Variants in VEPH1 observed in about 807,000 individuals in gnomAD.
VEPH1 encodes ventricular zone-expressed PH domain-containing protein homolog 1.
Under a neutral mutation model 85.2 loss-of-function variants are expected in VEPH1, and 80 were observed. The observed-to-expected ratio is 0.94, with a 90% CI of 0.78 to 1.13. VEPH1 has a LOEUF of 1.13. Among genes scored for constraint, VEPH1 ranks in the 50% most tolerant of loss-of-function variants. The pLI is 0.00. For synonymous variants in VEPH1, 297 were observed against 348.0 expected, an observed-to-expected ratio of 0.85 and a Z score of 1.63; for missense variants, 955 against 980.5, an observed-to-expected ratio of 0.97 and a Z score of 0.35.
At chr3:157,482,373 C>T (rs998506845) in intron 2 of VEPH1, among the ~76,000 whole-genome samples, 21 of 152,064 alleles carry the variant, frequency 1.4e-4, no homozygotes, top group Non-Finnish European at 5.9e-5. Context: ...CACAGGCATG[C>T]ACCACCAGGC....
intron 9 of VEPH1, among the ~76,000 whole-genome samples, chr3:157,321,030 A>T (rs546566537): frequency 2.1e-4 from 32 of 152,150 alleles, no homozygotes; most frequent in South Asian, 2.1e-3. Flanking sequence ...ATATATATAT[A>T]TTTTTTGGTT....
intron 9 of VEPH1, among the ~76,000 whole-genome samples, chr3:157,329,845 C>G (rs1722318186): frequency 6.6e-6 from 1 of 152,200 alleles, no homozygotes; most frequent in South Asian, 2.1e-4. Flanking sequence ...TGAATTACCT[C>G]TGCCTCAACT....
chr3:157,407,774 G>A (rs1731252415), intron 6 of VEPH1, among the ~76,000 whole-genome samples: 1 of 152,172 alleles, frequency 6.6e-6, no homozygotes, highest in South Asian at 2.1e-4. Flanking sequence ...GGACAATGCT[G>A]AGTAAAGTAA....
At chr3:157,287,474 A>T (rs1014581037) in intron 11 of VEPH1, among the ~76,000 whole-genome samples, 2 of 152,048 alleles carry the variant, frequency 1.3e-5, no homozygotes, top group Non-Finnish European at 2.9e-5. Flanking sequence ...TGGCTCCAGG[A>T]CTGTTTAGTT....
intron 9 of VEPH1, among the ~76,000 whole-genome samples, chr3:157,342,345 T>C (rs1028666264): frequency 1.3e-5 from 2 of 151,318 alleles, no homozygotes; most frequent in African/African-American, 4.9e-5. Flanking sequence ...ACCAAGCAAA[T>C]GGAAAACAAA....
At chr3:157,430,841 G>A (rs753589056) in intron 4 of VEPH1, among the ~76,000 whole-genome samples, 14 of 152,102 alleles carry the variant, frequency 9.2e-5, no homozygotes, top group Non-Finnish European at 1.5e-4. Flanking sequence ...CAAAATTAGT[G>A]GCCTAAAATA....
intron 9 of VEPH1, among the ~76,000 whole-genome samples, chr3:157,333,534 C>G (rs949425509): frequency 1.3e-5 from 2 of 152,200 alleles, no homozygotes; most frequent in African/African-American, 4.8e-5. Flanking sequence ...CAAATACACA[C>G]ACATACCTCT....
intron 11 of VEPH1, among the ~76,000 whole-genome samples, chr3:157,308,888 T>C (rs1029459503): frequency 2.6e-5 from 4 of 152,150 alleles, no homozygotes; most frequent in African/African-American, 9.7e-5. Context: ...AGTGTTGTCA[T>C]TGGGATTAAG....
chr3:157,266,996 G>A lies in VEPH1; in HGVS notation c.2129-1334C>T, dbSNP rs375436516. On this transcript the variant is annotated intron_variant, in intron 12 of 13. Coordinates refer to ENST00000362010, the MANE Select transcript of VEPH1 (RefSeq NM_001167912.2). ...CTACCATTTCTTTTTTCTAATATAG[G>A]TCTAATAATTGCCTCACAGGATTGT... is the stretch of plus-strand genomic sequence containing the variant. 1.6e-4 allele frequency among the ~76,000 whole-genome samples: 25 copies of A among 151,782 alleles called. No homozygotes were observed. The East Asian group carries it at 1.9e-3, about 12-fold the overall frequency.
intron 7 of VEPH1, among the ~76,000 whole-genome samples, chr3:157,376,151 T>C (rs1371751287): frequency 1.3e-5 from 2 of 152,160 alleles, no homozygotes; most frequent in Non-Finnish European, 2.9e-5. Flanking sequence ...TTGTCATATT[T>C]ATCTCCCACT....
chr3:157,473,067 C>CTTTTTTTTTTTTTTTT (rs200991031), intron 2 of VEPH1, among the ~76,000 whole-genome samples: 1 of 82,674 alleles, frequency 1.2e-5, no homozygotes, highest in Admixed American at 1.6e-4. Context: ...TTAAATGAAC[C>CTTTTTTTTTTTTTTTT]TTTTTTTTTT....
At chr3:157,338,325 T>C (rs1019936256) in intron 9 of VEPH1, among the ~76,000 whole-genome samples, 4 of 152,206 alleles carry the variant, frequency 2.6e-5, no homozygotes, top group Non-Finnish European at 5.9e-5. Context: ...CTGGAGTCCA[T>C]GTTCCAAACC....
intron 7 of VEPH1, among the ~76,000 whole-genome samples, chr3:157,375,136 T>A (rs1426885635): frequency 6.6e-6 from 1 of 152,204 alleles, no homozygotes; most frequent in Non-Finnish European, 1.5e-5. Flanking sequence ...AAAGACTTTT[T>A]GTTGTGAGGA....
At chr3:157,460,636 T>C (rs983833100) in intron 3 of VEPH1, among the ~76,000 whole-genome samples, 3 of 152,174 alleles carry the variant, frequency 2.0e-5, no homozygotes, top group African/African-American at 7.2e-5. Context: ...CAATCCAGTC[T>C]TGGGGAATGT....
At chr3:157,427,985 C>T (rs1732873047) in intron 5 of VEPH1, among the ~76,000 whole-genome samples, 1 of 152,188 alleles carries the variant, frequency 6.6e-6, no homozygotes, top group Non-Finnish European at 1.5e-5. Context: ...CTCTCTCTGC[C>T]TGATTTTGTG....
chr3:157,480,046 CTT>C (rs1395000657), intron 2 of VEPH1, among the ~76,000 whole-genome samples: 13 of 127,602 alleles, frequency 1.0e-4, no homozygotes, highest in African/African-American at 3.0e-4. Context: ...TTTTTTCTTT[CTT>C]TCTTTCCTTT....
chr3:157,327,634 G>T (rs1030185662), intron 9 of VEPH1, among the ~76,000 whole-genome samples: 1 of 152,266 alleles, frequency 6.6e-6, no homozygotes, highest in African/African-American at 2.4e-5. Context: ...GGTAGAGGAT[G>T]GGGAGTGAGC....
intron 2 of VEPH1, among the ~76,000 whole-genome samples, chr3:157,478,340 A>T (rs1453032298): frequency 6.6e-6 from 1 of 152,136 alleles, no homozygotes; most frequent in Admixed American, 6.6e-5. Context: ...ACCCCCTAAC[A>T]GGTATTGTTT....
intron 7 of VEPH1, among the ~76,000 whole-genome samples, chr3:157,369,204 A>AAAAC (rs1727204831): frequency 6.8e-6 from 1 of 146,158 alleles, no homozygotes; most frequent in African/African-American, 2.5e-5. Context: ...AAAAAAAAAA[A>AAAAC]CCTCCTGAGG....
Sources: allele counts gnomAD v4.1 joint callset (sites outside exome capture counted in the v4.1 genomes callset), GRCh38; gene constraint gnomAD v4.1.1; transcripts MANE v1.5; gene names NCBI Gene and HGNC (gene_info 2026-07-23, HGNC 2026-07-21).